Variants in SUPT3H observed in about 807,000 individuals in gnomAD.
The protein encoded by SUPT3H is SPT3 homolog, SAGA and STAGA complex component, also known as transcription initiation protein SPT3 homolog.
In SUPT3H, 44 loss-of-function variants were observed where a neutral mutation model predicts 44.3. The observed-to-expected ratio is 0.99, with a 90% CI of 0.78 to 1.28. The LOEUF is 1.28. Ranked by LOEUF, SUPT3H falls within the 50% of genes most tolerant of loss-of-function variation. The pLI is 0.00. For synonymous variants in SUPT3H, 124 were observed against 125.6 expected, an observed-to-expected ratio of 0.99 and a Z score of 0.09; for missense variants, 380 against 387.1, an observed-to-expected ratio of 0.98 and a Z score of 0.15.
chr6:45,079,135 C>G (rs1795415598), intron 3 of SUPT3H, among the ~76,000 whole-genome samples: 3 of 152,020 alleles, frequency 2.0e-5, no homozygotes, highest in Admixed American at 6.6e-5. Context: ...TAGTGAAACC[C>G]CGTCTCTACA....
intron 3 of SUPT3H, among the ~76,000 whole-genome samples, chr6:45,029,330 C>T (rs1786546411): frequency 7.8e-6 from 1 of 128,118 alleles, no homozygotes; most frequent in Admixed American, 8.8e-5. Context: ...GTATATATGA[C>T]ATATTTGTAT....
At chr6:45,282,579 A>C (rs900032372) in intron 2 of SUPT3H, among the ~76,000 whole-genome samples, 8 of 152,218 alleles carry the variant, frequency 5.3e-5, no homozygotes, top group African/African-American at 1.7e-4. Flanking sequence ...GAAATATGGG[A>C]CTATGTGAAA....
intron 3 of SUPT3H, among the ~76,000 whole-genome samples, chr6:45,074,903 ATAATT>A (rs1306027014): frequency 6.6e-6 from 1 of 152,100 alleles, no homozygotes; most frequent in African/African-American, 2.4e-5. Context: ...TCTTGGTACA[ATAATT>A]TAATAAACAT....
intron 3 of SUPT3H, among the ~76,000 whole-genome samples, chr6:45,052,160 AG>A (rs1161313021): frequency 1.3e-5 from 2 of 152,202 alleles, no homozygotes; most frequent in African/African-American, 4.8e-5. Flanking sequence ...GTGCACAAAA[AG>A]CTCTTTTGAA....
chr6:45,230,879 G>A (rs960500671), intron 2 of SUPT3H, among the ~76,000 whole-genome samples: 4 of 151,440 alleles, frequency 2.6e-5, no homozygotes, highest in African/African-American at 7.3e-5. Context: ...CACCATGTTG[G>A]CCAGGATGGT....
intron 2 of SUPT3H, among the ~76,000 whole-genome samples, chr6:45,238,197 G>A (rs944372530): frequency 1.3e-5 from 2 of 152,094 alleles, no homozygotes; most frequent in South Asian, 2.1e-4. Flanking sequence ...GCCCCAACTC[G>A]AGAAATACTA....
At chr6:45,063,597 T>C (rs1416973276) in intron 3 of SUPT3H, among the ~76,000 whole-genome samples, 3 of 70,126 alleles carry the variant, frequency 4.3e-5, no homozygotes, top group Admixed American at 1.8e-4. Flanking sequence ...GAATAACCAA[T>C]ACAGAGAAGT....
intron 6 of SUPT3H, among the ~76,000 whole-genome samples, chr6:44,995,378 T>C (rs1781138562): frequency 6.6e-6 from 1 of 152,104 alleles, no homozygotes; most frequent in Non-Finnish European, 1.5e-5. Context: ...TTTTATTCCC[T>C]ACCTCTTTAA....
intron 2 of SUPT3H, among the ~76,000 whole-genome samples, chr6:45,246,155 T>G (rs1771302835): frequency 6.6e-6 from 1 of 152,162 alleles, no homozygotes; most frequent in South Asian, 2.1e-4. Context: ...GGGAGTTCTT[T>G]ATGTATTCTG....
intron 2 of SUPT3H, among the ~76,000 whole-genome samples, chr6:45,244,715 A>G (rs191126473): frequency 6.6e-5 from 10 of 152,300 alleles, no homozygotes; most frequent in East Asian, 1.9e-4. Flanking sequence ...GTAAACTTCT[A>G]TCTCTTCCAC....
intron 2 of SUPT3H, among the ~76,000 whole-genome samples, chr6:45,317,240 A>AAAAAAAG (rs1784839284): frequency 6.6e-6 from 1 of 150,642 alleles, no homozygotes; most frequent in South Asian, 2.1e-4. Context: ...AAAAAAAAAA[A>AAAAAAAG]AAAAAAAAAA....
chr6:45,142,065 C>T (rs922655169), intron 2 of SUPT3H, among the ~76,000 whole-genome samples: 2 of 152,160 alleles, frequency 1.3e-5, no homozygotes, highest in South Asian at 2.1e-4. Flanking sequence ...AGAAACCTTA[C>T]AAGCCAGAAA....
intron 3 of SUPT3H, among the ~76,000 whole-genome samples, chr6:45,058,100 G>C (rs1051043263): frequency 2.0e-5 from 3 of 151,994 alleles, no homozygotes; most frequent in African/African-American, 7.2e-5. Context: ...TAACTTTAAT[G>C]TGCATTAGTG....
chr6:45,067,643 G>C (rs1190286869), intron 3 of SUPT3H, among the ~76,000 whole-genome samples: 1 of 150,936 alleles, frequency 6.6e-6, no homozygotes, highest in Non-Finnish European at 1.5e-5. Context: ...CCATCAAAAA[G>C]TGGGCGAAGG....
chr6:45,147,080 T>C (rs1191300097), intron 2 of SUPT3H, among the ~76,000 whole-genome samples: 1 of 152,112 alleles, frequency 6.6e-6, no homozygotes, highest in Non-Finnish European at 1.5e-5. Flanking sequence ...AATACTATTA[T>C]TATTCTCATT....
chr6:44,954,749 G>T, intron 7 of SUPT3H, 142 bp from the exon 8 acceptor site: 1 of 617,408 alleles, frequency 1.6e-6, no homozygotes, highest in Non-Finnish European at 2.8e-6. Context: ...TTAATGTCTA[G>T]ATATTCTGGC....
chr6:45,187,166 A>G (rs1048861657), intron 2 of SUPT3H, among the ~76,000 whole-genome samples: 3 of 150,758 alleles, frequency 2.0e-5, no homozygotes, highest in African/African-American at 7.3e-5. Context: ...TGTAATCCCA[A>G]CACTCTGGGA....
At chr6:45,320,427 C>T (rs1785306719) in intron 2 of SUPT3H, among the ~76,000 whole-genome samples, 1 of 151,732 alleles carries the variant, frequency 6.6e-6, no homozygotes, top group East Asian at 1.9e-4. Context: ...CCATGCCTGG[C>T]TAATTTTTCT....
chr6:45,223,821 G>A (rs1003137148), intron 2 of SUPT3H, among the ~76,000 whole-genome samples: 3 of 150,978 alleles, frequency 2.0e-5, no homozygotes, highest in Non-Finnish European at 3.0e-5. Flanking sequence ...CTCTACTTAC[G>A]AATTTACTAT....
Sources: gnomAD v4.1 joint callset for allele counts (sites outside exome capture counted in the v4.1 genomes callset) on GRCh38, gnomAD v4.1.1 for gene constraint, MANE v1.5 for transcripts, NCBI Gene and HGNC (gene_info 2026-07-23, HGNC 2026-07-21) for gene names.